Variants in ACER2 observed in about 807,000 individuals in gnomAD.
ACER2 encodes alkaline ceramidase 2.
ACER2 carries 26 observed loss-of-function variants against 34.7 expected under a neutral mutation model. The ratio of observed to expected loss-of-function variants is 0.75; its 90% CI spans 0.55 to 1.04. The LOEUF is 1.04. Among genes scored for constraint, ACER2 ranks in the 50% least tolerant of loss-of-function variants. The pLI is 0.00. For missense variants in ACER2, 352 were observed against 340.8 expected (o/e 1.03, Z -0.26); for synonymous variants, 138 against 132.1 (o/e 1.04, Z -0.31).
In ACER2 at chr9:19,424,825, A is replaced by G. The variant is rs1291047941; in HGVS notation, c.349A>G (p.Ile117Val). 1.2e-6 allele frequency: 2 copies of G among 1,614,174 alleles called. No individual in the cohort carries two copies. The highest frequency in any genetic ancestry group is 1.7e-6 in the Non-Finnish European group (2 of 1,180,022). ...GTTCCCCAGAAGGTATCTACCAAAG[A>G]TCTTTCGGAATGACCGGTAAGCTTG... ...MWFPRRYLPK[I>V]FRNDRGRFKV... Residue 117 changes from isoleucine (I) to valine (V), a missense_variant, in exon 3 of 6, where the codon ATC becomes GTC. By Grantham distance (29) the Ile-to-Val change is conservative. Transcript: ENST00000340967.
At chr9:19,428,786 T>G (rs904952632) in intron 3 of ACER2, among the ~76,000 whole-genome samples, 3 of 130,132 alleles carry the variant, frequency 2.3e-5, no homozygotes, top group Non-Finnish European at 4.9e-5. Context: ...GTTTTTTTTT[T>G]TTTTTTTTTT....
chr9:19,417,291 A>C (rs540204306), intron 1 of ACER2, among the ~76,000 whole-genome samples: 77 of 152,350 alleles, frequency 5.1e-4, no homozygotes, highest in African/African-American at 1.8e-3. Flanking sequence ...GAAAATGGCC[A>C]TACTGCCCAA....
chr9:19,413,672 G>C (rs16937506), intron 1 of ACER2, among the ~76,000 whole-genome samples: 17,825 of 151,854 alleles, frequency 0.12, 1,477 homozygotes, highest in East Asian at 0.33. Flanking sequence ...GAGAAAAGCC[G>C]GGTCTGCCTT....
rs779876838 is a variant in ACER2, at chr9:19,450,402, C to T, written c.642-48C>T. On this transcript the variant is annotated intron_variant, in intron 5 of 5. Transcript: ENST00000340967. ...AAGGAGCAGGCTAAACTCAGGGCAG[C>T]GGAGTCTTCATGCTCATCAGGTTCT... 21 of 1,505,754 alleles carry T rather than the reference C, an allele frequency of 1.4e-5. No homozygotes were observed. The South Asian group carries it at 1.6e-4, about 12-fold the overall frequency. 93.3% of individuals were successfully genotyped at this position (1,505,754 alleles called of 1,614,324 possible). A position where few individuals can be genotyped will look rare whatever the true frequency, so the allele number is the denominator to read the frequency against.
chr9:19,429,131 G>A (rs1404408362), intron 3 of ACER2, among the ~76,000 whole-genome samples: 4 of 151,848 alleles, frequency 2.6e-5, no homozygotes, highest in Non-Finnish European at 5.9e-5. Flanking sequence ...ATTTTATGTA[G>A]GGAAATTATT....
At chr9:19,429,240 T>G (rs1263821557) in intron 3 of ACER2, among the ~76,000 whole-genome samples, 1 of 152,248 alleles carries the variant, frequency 6.6e-6, no homozygotes, top group Admixed American at 6.5e-5. Context: ...GGACATATAC[T>G]GAATTGCTGA....
chr9:19,433,156 T>A (rs944323746), intron 3 of ACER2, among the ~76,000 whole-genome samples: 3 of 145,344 alleles, frequency 2.1e-5, no homozygotes, highest in African/African-American at 7.6e-5. Flanking sequence ...TGGCTTTTTT[T>A]TTTTTTTTTT....
At chr9:19,413,126 T>C (rs1375452038) in intron 1 of ACER2, among the ~76,000 whole-genome samples, 1 of 152,256 alleles carries the variant, frequency 6.6e-6, no homozygotes, top group Non-Finnish European at 1.5e-5. Context: ...CAAAACATTT[T>C]GCTTTGGCCT....
intron 3 of ACER2, 65 bp from the exon 4 acceptor site, chr9:19,434,882 A>AT: frequency 6.3e-7 from 1 of 1,596,204 alleles, no homozygotes; most frequent in Non-Finnish European, 8.5e-7. Flanking sequence ...CCTTGCTAAC[A>AT]TTAAACAAAC....
chr9:19,416,612 G>A (rs769276507), intron 1 of ACER2, among the ~76,000 whole-genome samples: 11 of 149,294 alleles, frequency 7.4e-5, no homozygotes, highest in African/African-American at 2.5e-4. Context: ...TGCAACCTCC[G>A]CCTCCCGGGT....
intron 1 of ACER2, among the ~76,000 whole-genome samples, chr9:19,411,343 G>A (rs1830079450): frequency 6.6e-6 from 1 of 151,438 alleles, no homozygotes; most frequent in Admixed American, 6.6e-5. Flanking sequence ...GTTGAGTGTA[G>A]GTCCAAAGAA....
intron 1 of ACER2, among the ~76,000 whole-genome samples, chr9:19,419,004 T>G (rs896804224): frequency 1.3e-5 from 2 of 152,018 alleles, no homozygotes; most frequent in Admixed American, 1.3e-4. Flanking sequence ...CTGACCAACA[T>G]GGTGAAACCC....
intron 1 of ACER2, chr9:19,409,646 G>A (rs904664610): frequency 1.4e-6 from 1 of 710,152 alleles, no homozygotes; most frequent in Non-Finnish European, 1.7e-6. Flanking sequence ...GCCCCCCGCA[G>A]GTCCCCGCGG....
At chr9:19,421,620 A>G (rs1332702107) in intron 1 of ACER2, among the ~76,000 whole-genome samples, 1 of 152,182 alleles carries the variant, frequency 6.6e-6, no homozygotes, top group African/African-American at 2.4e-5. Context: ...GTGACTGCTT[A>G]ATGAGAATAG....
chr9:19,418,279 G>A (rs1055083260), intron 1 of ACER2, among the ~76,000 whole-genome samples: 1 of 152,184 alleles, frequency 6.6e-6, no homozygotes, highest in Non-Finnish European at 1.5e-5. Context: ...CATTGTGGAA[G>A]ACAGTGTGGC....
intron 1 of ACER2, among the ~76,000 whole-genome samples, chr9:19,411,503 T>C (rs910186875): frequency 1.3e-5 from 2 of 152,196 alleles, no homozygotes; most frequent in African/African-American, 4.8e-5. Context: ...CCCAAAGTGC[T>C]GGGATTACAG....
chr9:19,434,865 G>T lies in ACER2; in HGVS notation c.366-82G>T, dbSNP rs1429814331. ...CTTTTCAGCTTGTATTTCTGGCAAT[G>T]CCTGTACCTTGCTAACATTAAACAA... On this transcript the variant is annotated intron_variant, in intron 3 of 5. Transcript: ENST00000340967. 2.6e-6 allele frequency: 4 copies of T among 1,557,248 alleles called. No individual in the cohort carries two copies. The Admixed American group carries it at 5.2e-5, about 20-fold the overall frequency.
At position 19,409,296 on chromosome 9, in the gene ACER2, G is replaced by T. The variant is rs529654370; in HGVS notation, c.108+104G>T. 4 of 1,144,364 alleles carry T rather than the reference G, an allele frequency of 3.5e-6. No homozygotes were observed. The African/African-American group carries it at 4.6e-5, about 13-fold the overall frequency. 70.9% of individuals were successfully genotyped at this position (1,144,364 alleles called of 1,614,324 possible). A position where few individuals can be genotyped will look rare whatever the true frequency, so the allele number is the denominator to read the frequency against. On this transcript the variant is annotated intron_variant, in intron 1 of 5. Coordinates refer to ENST00000340967, the MANE Select transcript of ACER2 (RefSeq NM_001010887.3). ...ACGTGGGTCTCTGCGCGCATCTGGG[G>T]GCATTCTCTCCAGGGGCTGAGTCAG...
At position 19,449,877 on chromosome 9, in the gene ACER2, G is replaced by C. The variant is rs575441007; in HGVS notation, c.642-573G>C. Among the ~76,000 whole-genome samples, 5 of 141,302 alleles carry C rather than the reference G, an allele frequency of 3.5e-5. No homozygotes were observed. The Admixed American group carries it at 3.6e-4, about 10-fold the overall frequency. 92.7% of individuals were successfully genotyped at this position (141,302 alleles called of 152,430 possible). Reference sequence around the variant, plus strand: ...ATTGCACTCCAGCCTGGATGACAGGGTGAGACTTCATTTAAAAAAAAAAAA... The same window carrying C: ...ATTGCACTCCAGCCTGGATGACAGGCTGAGACTTCATTTAAAAAAAAAAAA... On this transcript the variant is annotated intron_variant, in intron 5 of 5. Transcript: ENST00000340967.
Sources: gnomAD v4.1 joint callset for allele counts (sites outside exome capture counted in the v4.1 genomes callset) on GRCh38, gnomAD v4.1.1 for gene constraint, MANE v1.5 for transcripts, NCBI Gene and HGNC (gene_info 2026-07-23, HGNC 2026-07-21) for gene names.